The following MGMT variants were observed in gnomAD, a reference collection of about 807,000 sequenced individuals.
The protein encoded by MGMT is O-6-methylguanine-DNA methyltransferase.
In MGMT, 14 loss-of-function variants were observed where a neutral mutation model predicts 15.9. The ratio of observed to expected loss-of-function variants is 0.88; its 90% CI spans 0.58 to 1.37. The LOEUF is 1.37. Among genes scored for constraint, MGMT ranks in the 40% most tolerant of loss-of-function variants. The pLI, the probability that MGMT is intolerant of heterozygous loss-of-function variation, is 0.00. For missense variants in MGMT, 282 were observed against 268.1 expected (o/e 1.05, Z -0.36); for synonymous variants, 130 against 118.2 (o/e 1.10, Z -0.65).
At chr10:129,632,736 A>G (rs969287384) in intron 2 of MGMT, among the ~76,000 whole-genome samples, 5 of 152,174 alleles carry the variant, frequency 3.3e-5, no homozygotes, top group African/African-American at 1.2e-4. Context: ...ACCCAGTCAC[A>G]TACCACAGTG....
chr10:129,579,788 C>G (rs762870698), intron 2 of MGMT, among the ~76,000 whole-genome samples: 1 of 152,206 alleles, frequency 6.6e-6, no homozygotes, highest in Non-Finnish European at 1.5e-5. Context: ...GACTCTTAGA[C>G]ATCAGCTCTC....
At chr10:129,476,257 C>T (rs1845292839) in intron 1 of MGMT, among the ~76,000 whole-genome samples, 1 of 152,166 alleles carries the variant, frequency 6.6e-6, no homozygotes. Flanking sequence ...GGACATGGCC[C>T]CCGCTGTCCT....
At chr10:129,735,496 C>A (rs1848550006) in intron 3 of MGMT, among the ~76,000 whole-genome samples, 1 of 152,058 alleles carries the variant, frequency 6.6e-6, no homozygotes, top group African/African-American at 2.4e-5. Context: ...TTTTGTTGAT[C>A]CTTTCAAAAA....
In MGMT at chr10:129,536,349, C is replaced by T. The variant is rs775096561; in HGVS notation, c.97C>T (p.Leu33Phe). Residue 33 changes from leucine (L) to phenylalanine (F), a missense_variant, in exon 2 of 5, where the codon CTC becomes TTC. Coordinates refer to ENST00000651593, the MANE Select transcript of MGMT (RefSeq NM_002412.5). Reference protein sequence around the residue: ...GCEQGLHEIKLLGKGTSAADA... With the variant: ...GCEQGLHEIKFLGKGTSAADA... ...TGAGCAGGGTCTGCACGAAATAAAG[C>T]TCCTGGGCAAGGGGACGTCTGCAGC... 2.0e-5 allele frequency: 32 copies of T among 1,613,918 alleles called. No individual in the cohort carries two copies. In the South Asian group the frequency reaches 2.4e-4, roughly 12 times the overall value.
intron 2 of MGMT, among the ~76,000 whole-genome samples, chr10:129,543,751 CAG>C (rs1474369054): frequency 7.9e-5 from 12 of 152,172 alleles, no homozygotes; most frequent in Admixed American, 2.0e-4. Context: ...TACAAGGAGA[CAG>C]AGATGGCAAA....
intron 2 of MGMT, among the ~76,000 whole-genome samples, chr10:129,574,590 C>A (rs1259063660): frequency 1.3e-5 from 2 of 152,112 alleles, no homozygotes; most frequent in Admixed American, 1.3e-4. Context: ...TCTTTGTAGA[C>A]AGACCTGGGT....
intron 2 of MGMT, among the ~76,000 whole-genome samples, chr10:129,586,968 C>G: frequency 6.6e-6 from 1 of 152,138 alleles, no homozygotes; most frequent in East Asian, 1.9e-4. Context: ...TTTTTAATGT[C>G]TGAAAAAGTA....
intron 2 of MGMT, among the ~76,000 whole-genome samples, chr10:129,674,200 G>T (rs761691025): frequency 3.3e-5 from 5 of 151,884 alleles, no homozygotes; most frequent in Non-Finnish European, 5.9e-5. Flanking sequence ...CCACTCAAAT[G>T]CTTTTTTATT....
intron 1 of MGMT, among the ~76,000 whole-genome samples, chr10:129,477,028 G>A (rs577066054): frequency 7.9e-5 from 12 of 152,194 alleles, no homozygotes; most frequent in East Asian, 3.9e-4. Context: ...GTGGGACCCC[G>A]GCAGTGCTGG....
chr10:129,769,947 G>A lies in MGMT; in HGVS notation c.*2950G>A, dbSNP rs1001488088. On this transcript the variant is annotated 3_prime_UTR_variant, in exon 5 of 5. Transcript: ENST00000651593. ...GATGTGAAGGTTGCAGGCACCGGGC[G>A]TTGCAGAGGAAGTGGGCAAGCTCAC... is the stretch of plus-strand genomic sequence containing the variant. Among the ~76,000 whole-genome samples, 6 of 152,186 alleles carry A rather than the reference G, an allele frequency of 3.9e-5. No homozygotes were observed. The highest frequency in any genetic ancestry group is 1.9e-4 in the East Asian group (1 of 5,186).
intron 3 of MGMT, among the ~76,000 whole-genome samples, chr10:129,754,723 C>T (rs1414437281): frequency 1.3e-5 from 2 of 152,214 alleles, no homozygotes; most frequent in South Asian, 2.1e-4. Flanking sequence ...CATTCCATGG[C>T]GAGGAAGCAT....
At chr10:129,764,104 A>G (rs1308496628) in intron 4 of MGMT, among the ~76,000 whole-genome samples, 1 of 152,140 alleles carries the variant, frequency 6.6e-6, no homozygotes, top group East Asian at 1.9e-4. Context: ...GTCCACGTCA[A>G]GGAGGAGAAG....
chr10:129,608,609 C>T (rs1000842036), intron 2 of MGMT, among the ~76,000 whole-genome samples: 3 of 152,206 alleles, frequency 2.0e-5, no homozygotes, highest in East Asian at 3.8e-4. Flanking sequence ...AATCTCTCTG[C>T]GTATAATTAT....
intron 1 of MGMT, among the ~76,000 whole-genome samples, chr10:129,482,710 C>G (rs952605849): frequency 1.3e-5 from 2 of 152,132 alleles, no homozygotes; most frequent in African/African-American, 4.8e-5. Context: ...GATAGCCACT[C>G]CAGCTTTCTT....
chr10:129,624,198 T>C (rs998619889), intron 2 of MGMT, among the ~76,000 whole-genome samples: 1 of 152,212 alleles, frequency 6.6e-6, no homozygotes, highest in African/African-American at 2.4e-5. Flanking sequence ...TAAGATTGAC[T>C]GGGTTTGTGG....
chr10:129,558,386 A>G (rs912506577), intron 2 of MGMT, among the ~76,000 whole-genome samples: 1 of 152,154 alleles, frequency 6.6e-6, no homozygotes, highest in Admixed American at 6.5e-5. Flanking sequence ...TTTTTCCTTC[A>G]TGAATTTGTT....
chr10:129,762,330 G>A (rs762230296), intron 4 of MGMT, among the ~76,000 whole-genome samples: 2 of 152,362 alleles, frequency 1.3e-5, no homozygotes, highest in South Asian at 2.1e-4. Flanking sequence ...TAGGTGGCTT[G>A]CAATAAACAG....
Position 129,746,238 on chromosome 10 carries a change from CAA to C in MGMT, c.275-12948_275-12947del, listed in dbSNP as rs57022839. 8.3e-3 allele frequency among the ~76,000 whole-genome samples: 867 copies of C among 104,760 alleles called. 3 individuals carry two copies. The highest frequency in any genetic ancestry group is 0.027 in the African/African-American group (763 of 28,528). 68.7% of individuals were successfully genotyped at this position (104,760 alleles called of 152,430 possible). A position where few individuals can be genotyped will look rare whatever the true frequency, so the allele number is the denominator to read the frequency against. On this transcript the variant is annotated intron_variant, in intron 3 of 4. Transcript: ENST00000651593. ...TAGGGGACAGAGCGAGACTCTGTCT[CAA>C]AAAAAAAAAAAAAAACAAACAAAAA...
intron 2 of MGMT, among the ~76,000 whole-genome samples, chr10:129,654,352 A>ACG (rs772479145): frequency 2.6e-5 from 4 of 152,124 alleles, no homozygotes; most frequent in Non-Finnish European, 4.4e-5. Context: ...GAGGACCTGC[A>ACG]CGCGGGGTCG....
Sources: gnomAD v4.1 joint callset for allele counts (sites outside exome capture counted in the v4.1 genomes callset) on GRCh38, gnomAD v4.1.1 for gene constraint, MANE v1.5 for transcripts, NCBI Gene and HGNC (gene_info 2026-07-23, HGNC 2026-07-21) for gene names.